JMJD1C: variants seen among roughly 807,000 people sequenced by gnomAD.
JMJD1C encodes the protein jumonji domain containing 1C, also known as jumonji domain-containing protein 1C.
A neutral mutation model predicts 245.3 loss-of-function variants in JMJD1C; 31 were observed. The observed-to-expected ratio is 0.13, with a 90% CI of 0.09 to 0.17. The LOEUF (loss-of-function observed/expected upper bound fraction) is 0.17. JMJD1C is among the 10% of genes least tolerant of loss of function. The pLI is 1.00. For synonymous variants in JMJD1C, 1,057 were observed against 1,017.4 expected (o/e 1.04, Z -0.74); for missense variants, 2,691 against 3,000.2 (o/e 0.90, Z 2.41).
In JMJD1C at chr10:63,273,657, G is replaced by C. The variant is rs1856532230; in HGVS notation, c.334-8893C>G. Among the ~76,000 whole-genome samples, 5 of 152,158 alleles carry C rather than the reference G, an allele frequency of 3.3e-5. No individual in the cohort carries two copies. The South Asian group carries it at 1.0e-3, about 31-fold the overall frequency. Reference sequence around the variant, plus strand: ...GTTAATTTTTGTTTCTTTTTGTTGGGAGGTGAGGAGGGGAGTAAAAGGCCT... The same window carrying C: ...GTTAATTTTTGTTTCTTTTTGTTGGCAGGTGAGGAGGGGAGTAAAAGGCCT... On this transcript the variant is annotated intron_variant, in intron 2 of 25. Coordinates refer to ENST00000399262, the MANE Select transcript of JMJD1C (RefSeq NM_032776.3).
chr10:63,202,634 TAA>T, intron 10 of JMJD1C: 2 of 985,424 alleles, frequency 2.0e-6, no homozygotes, highest in Middle Eastern at 5.2e-4. Flanking sequence ...TAACTTAGGG[TAA>T]GGAGCCATTT....
At chr10:63,183,861 A>C (rs1461488763) in intron 21 of JMJD1C, among the ~76,000 whole-genome samples, 1 of 152,230 alleles carries the variant, frequency 6.6e-6, no homozygotes, top group African/African-American at 2.4e-5. Flanking sequence ...GCTTCATATA[A>C]AAAAGGGTTT....
chr10:63,386,588 T>TCCAGGGG (rs1216316063), intron 1 of JMJD1C, among the ~76,000 whole-genome samples: 4 of 152,230 alleles, frequency 2.6e-5, no homozygotes, highest in African/African-American at 9.6e-5. Flanking sequence ...GAGCACTTTT[T>TCCAGGGG]CCAGGGGCCA....
intron 19 of JMJD1C, among the ~76,000 whole-genome samples, 186 bp downstream of exon 19, chr10:63,186,029 G>C (rs1355676538): frequency 3.3e-5 from 5 of 152,146 alleles, no homozygotes; most frequent in African/African-American, 1.2e-4. Context: ...GCATCTTTAA[G>C]GTCAAAGGAA....
intron 3 of JMJD1C, among the ~76,000 whole-genome samples, chr10:63,259,196 CA>C (rs754136165): frequency 1.3e-5 from 2 of 152,178 alleles, no homozygotes; most frequent in African/African-American, 2.4e-5. Context: ...TGCTTATAAA[CA>C]AACCTCTATC....
chr10:63,386,260 G>A (rs1947581666), intron 1 of JMJD1C, among the ~76,000 whole-genome samples: 1 of 152,128 alleles, frequency 6.6e-6, no homozygotes, highest in Non-Finnish European at 1.5e-5. Flanking sequence ...TCTGTACTGT[G>A]GGCTACTGCT....
chr10:63,397,287 C>T lies in JMJD1C; in HGVS notation c.169-16805G>A, dbSNP rs746877609. ...GGAGTGCAATGGCACAATCTCAGCT[C>T]ACTACAACCTCCGCCTCCCAGGTTC... is the stretch of plus-strand genomic sequence containing the variant. On this transcript the variant is annotated intron_variant, in intron 1 of 25. Coordinates refer to ENST00000399262, the MANE Select transcript of JMJD1C (RefSeq NM_032776.3). Among the ~76,000 whole-genome samples the T allele has an allele frequency of 9.1e-4, 139 of 152,256 alleles. 1 individual carries two copies. Among genetic ancestry groups the T allele is most frequent in the Admixed American group, 7.2e-4 (11 of 15,296 alleles).
At position 63,415,675 on chromosome 10, in the gene JMJD1C, C is replaced by T. The variant is rs558516601; in HGVS notation, c.169-35193G>A. On this transcript the variant is annotated intron_variant, in intron 1 of 25. Coordinates refer to ENST00000399262, the MANE Select transcript of JMJD1C (RefSeq NM_032776.3). Reference sequence around the variant, plus strand: ...ATTCAGTATATAAACCTAAGACATACAAAACAGTTACAAAACTGTAAAATG... The same window carrying T: ...ATTCAGTATATAAACCTAAGACATATAAAACAGTTACAAAACTGTAAAATG... Among the ~76,000 whole-genome samples the T allele has an allele frequency of 2.0e-5, 3 of 152,194 alleles. No homozygotes were observed. The South Asian group carries it at 6.2e-4, about 32-fold the overall frequency.
At chr10:63,237,916 A>T (rs956243006) in intron 3 of JMJD1C, among the ~76,000 whole-genome samples, 8 of 149,704 alleles carry the variant, frequency 5.3e-5, no homozygotes, top group African/African-American at 2.0e-4. Context: ...CATGCCTGTA[A>T]TCCTAGCACT....
At chr10:63,326,381 AAAATAAATAAATAAATAAAT>A (rs10630310) in intron 2 of JMJD1C, among the ~76,000 whole-genome samples, 37 of 143,320 alleles carry the variant, frequency 2.6e-4, no homozygotes, top group South Asian at 9.0e-4. Flanking sequence ...TTCCATCTCA[AAAATAAATAAATAAATAAAT>A]AAATAAATAA....
chr10:63,337,613 G>GAAAAAGA (rs761619002), intron 2 of JMJD1C, among the ~76,000 whole-genome samples: 1,594 of 45,554 alleles, frequency 0.035, 206 homozygotes, highest in African/African-American at 0.11. Context: ...GAAAAGAAAA[G>GAAAAAGA]AAAAGAAAAG....
chr10:63,331,143 A>G, intron 2 of JMJD1C, among the ~76,000 whole-genome samples: 1 of 152,190 alleles, frequency 6.6e-6, no homozygotes, highest in East Asian at 1.9e-4. Flanking sequence ...ATAATATGCT[A>G]AAACAAAGTT....
At chr10:63,325,102 T>A (rs754003264) in intron 2 of JMJD1C, among the ~76,000 whole-genome samples, 1 of 152,226 alleles carries the variant, frequency 6.6e-6, no homozygotes, top group Non-Finnish European at 1.5e-5. Context: ...AGGGACAAAC[T>A]TAGTAATCAA....
At chr10:63,387,326 G>A (rs1947686669) in intron 1 of JMJD1C, among the ~76,000 whole-genome samples, 1 of 152,002 alleles carries the variant, frequency 6.6e-6, no homozygotes, top group African/African-American at 2.4e-5. Flanking sequence ...TCCAACAACA[G>A]ATTCCAATCA....
At chr10:63,318,707 T>C (rs529347266) in intron 2 of JMJD1C, among the ~76,000 whole-genome samples, 69 of 152,274 alleles carry the variant, frequency 4.5e-4, no homozygotes, top group African/African-American at 1.6e-3. Context: ...GCATAGATAA[T>C]TTGAGAAGTA....
rs1845582449 is a variant in JMJD1C, at chr10:63,197,430, C to G, written c.5625G>C (p.Lys1875Asn). 1 of 1,613,130 alleles carries G rather than the reference C, an allele frequency of 6.2e-7. No individual in the cohort carries two copies. Among genetic ancestry groups the G allele is most frequent in the African/African-American group, 1.3e-5 (1 of 74,838 alleles). ...ACCAACCTCTAGAACTCTTCCTTTC[C>G]TTTGCCTTGTAACAATCTAAGCAGA... ...FVVCLDCYKAKERKSSRDKEL... is the reference protein window; with the variant it reads ...FVVCLDCYKANERKSSRDKEL... Residue 1875 changes from lysine (K) to asparagine (N), a missense_variant, in exon 13 of 26, where the codon AAG becomes AAC. Lys to Asn is a moderately conservative substitution (Grantham distance 94, BLOSUM62 0). Around this residue, in one of 9 missense-constraint regions of JMJD1C, gnomAD observed 139 missense variants for 270.5 expected, o/e 0.51. Transcript: ENST00000399262.
intron 1 of JMJD1C, chr10:63,427,295 C>T (rs891879336): frequency 1.1e-5 from 8 of 751,442 alleles, no homozygotes; most frequent in South Asian, 5.6e-5. Context: ...CCAGCCGGGA[C>T]GATGGTGAAG....
chr10:63,235,856 C>T (rs1049180226), intron 3 of JMJD1C, among the ~76,000 whole-genome samples: 8 of 152,168 alleles, frequency 5.3e-5, no homozygotes, highest in African/African-American at 1.7e-4. Context: ...TTTTCAATAA[C>T]TTACCTACAT....
intron 2 of JMJD1C, among the ~76,000 whole-genome samples, chr10:63,277,154 T>A (rs1260882147): frequency 6.6e-6 from 1 of 151,990 alleles, no homozygotes; most frequent in Non-Finnish European, 1.5e-5. Context: ...GTGCTGGGAT[T>A]ACAGGCATGA....
Sources: allele counts gnomAD v4.1 joint callset (sites outside exome capture counted in the v4.1 genomes callset), GRCh38; gene constraint gnomAD v4.1.1; regional missense constraint gnomAD v4.1.1; transcripts MANE v1.5; gene names NCBI Gene and HGNC (gene_info 2026-07-23, HGNC 2026-07-21).